Variants in MAML2 observed in about 807,000 individuals in gnomAD.
MAML2 encodes mastermind like transcriptional coactivator 2.
In MAML2, 22 loss-of-function variants were observed where a neutral mutation model predicts 96.1. The ratio of observed to expected loss-of-function variants is 0.23; its 90% confidence interval spans 0.16 to 0.33. The LOEUF (loss-of-function observed/expected upper bound fraction) is 0.33, where lower values mean the gene tolerates loss of function less well. MAML2 is among the 10% of genes least tolerant of loss of function. The probability of loss-of-function intolerance (pLI) is 1.00; values close to 1 mark genes in which losing one functional copy is unlikely to be tolerated. For missense variants in MAML2, 1,367 were observed against 1,392.4 expected (o/e 0.98, Z 0.29); for synonymous variants, 561 against 521.3 (o/e 1.08, Z -1.04).
chr11:96,146,571 C>G (rs1426201595), intron 1 of MAML2, among the ~76,000 whole-genome samples: 1 of 152,124 alleles, frequency 6.6e-6, no homozygotes, highest in Non-Finnish European at 1.5e-5. Flanking sequence ...GTGAGCTGAT[C>G]ACACCATATC....
chr11:96,198,759 G>A (rs1861768016), intron 1 of MAML2, among the ~76,000 whole-genome samples: 1 of 151,918 alleles, frequency 6.6e-6, no homozygotes, highest in Non-Finnish European at 1.5e-5. Flanking sequence ...TTCATGAGTC[G>A]TACCATCCCT....
chr11:95,998,888 C>T (rs1017170448), intron 2 of MAML2, among the ~76,000 whole-genome samples: 1 of 152,158 alleles, frequency 6.6e-6, no homozygotes, highest in African/African-American at 2.4e-5. Flanking sequence ...AATATCTTGC[C>T]TATGGATGAC....
chr11:96,278,006 G>A (rs1037143285), intron 1 of MAML2, among the ~76,000 whole-genome samples: 2 of 150,776 alleles, frequency 1.3e-5, no homozygotes, highest in Non-Finnish European at 2.9e-5. Flanking sequence ...AAAACAGAAT[G>A]CTAAGCCCCA....
At position 96,148,249 on chromosome 11, in the gene MAML2, A is replaced by G. The variant is rs141269061; in HGVS notation, c.514-54732T>C. ...TTTTGTCTGCCTGTCTCCCGTGGACATAAAGAATTGTTCTGTTCATTCAGA... is the reference window on the plus strand; with the variant it reads ...TTTTGTCTGCCTGTCTCCCGTGGACGTAAAGAATTGTTCTGTTCATTCAGA... On this transcript the variant is annotated intron_variant, in intron 1 of 4. Coordinates refer to ENST00000524717, the MANE Select transcript of MAML2 (RefSeq NM_032427.4). Among the ~76,000 whole-genome samples the G allele has an allele frequency of 3.2e-3, 481 of 152,230 alleles. 1 individual carries two copies. Among genetic ancestry groups the G allele is most frequent in the Middle Eastern group, 0.01 (3 of 294 alleles).
At chr11:95,980,944 G>A (rs974785826) in intron 4 of MAML2, among the ~76,000 whole-genome samples, 2 of 152,070 alleles carry the variant, frequency 1.3e-5, no homozygotes, top group African/African-American at 2.4e-5. Context: ...GATGAAGACC[G>A]CTTCCGACTG....
chr11:96,209,707 A>T (rs1032262304), intron 1 of MAML2, among the ~76,000 whole-genome samples: 10 of 152,332 alleles, frequency 6.6e-5, no homozygotes, highest in Non-Finnish European at 1.5e-4. Context: ...CCTGGGCATT[A>T]TAAAATCTGT....
intron 1 of MAML2, among the ~76,000 whole-genome samples, chr11:96,151,900 A>T (rs554199075): frequency 2.0e-5 from 3 of 152,300 alleles, no homozygotes; most frequent in African/African-American, 7.2e-5. Context: ...TGATCAATAC[A>T]TATTTTTAAG....
chr11:96,224,664 C>A (rs1339588689), intron 1 of MAML2, among the ~76,000 whole-genome samples: 1 of 152,228 alleles, frequency 6.6e-6, no homozygotes, highest in Admixed American at 6.5e-5. Context: ...GTTATACTCT[C>A]AGCTTCTCTG....
At chr11:96,125,126 G>A (rs952900655) in intron 1 of MAML2, among the ~76,000 whole-genome samples, 1 of 152,116 alleles carries the variant, frequency 6.6e-6, no homozygotes, top group Admixed American at 6.5e-5. Flanking sequence ...CTTTTCCTAA[G>A]GGAGTTAATG....
chr11:96,168,891 G>T (rs1387667664), intron 1 of MAML2, among the ~76,000 whole-genome samples: 1 of 152,214 alleles, frequency 6.6e-6, no homozygotes, highest in Non-Finnish European at 1.5e-5. Context: ...ATCCACTTGG[G>T]TTATTTCACA....
chr11:96,050,775 G>A lies in MAML2; in HGVS notation c.2139+41117C>T, dbSNP rs76256598. Among the ~76,000 whole-genome samples, 1,412 of 152,296 alleles carry A rather than the reference G, an allele frequency of 9.3e-3. 9 individuals carry two copies. Among genetic ancestry groups the A allele is most frequent in the Middle Eastern group, 0.017 (5 of 294 alleles). On this transcript the variant is annotated intron_variant, in intron 2 of 4. Transcript: ENST00000524717. The stretch of plus-strand genomic sequence containing the variant: ...GAGGACCTTGCAAACTATGTCTATG[G>A]AGTTGTTACAAGAGTTACTGACTCC...
intron 1 of MAML2, among the ~76,000 whole-genome samples, chr11:96,303,306 T>A (rs1470805927): frequency 9.2e-5 from 14 of 152,226 alleles, no homozygotes; most frequent in Non-Finnish European, 2.1e-4. Context: ...GGAAGTATAA[T>A]TTACCAATAT....
intron 1 of MAML2, among the ~76,000 whole-genome samples, chr11:96,244,995 T>C (rs1862490865): frequency 6.6e-6 from 1 of 152,204 alleles, no homozygotes; most frequent in Non-Finnish European, 1.5e-5. Flanking sequence ...AGATGTGAGA[T>C]TATACATCCA....
intron 1 of MAML2, among the ~76,000 whole-genome samples, chr11:96,244,887 GAC>G (rs1862489761): frequency 6.6e-6 from 1 of 152,148 alleles, no homozygotes; most frequent in South Asian, 2.1e-4. Context: ...TATTTGGAAA[GAC>G]ACAGTCATAA....
intron 1 of MAML2, among the ~76,000 whole-genome samples, chr11:96,269,821 T>C (rs1862889340): frequency 6.9e-6 from 1 of 144,222 alleles, no homozygotes; most frequent in Non-Finnish European, 1.5e-5. Flanking sequence ...TTGAGGTGCA[T>C]TCTTCATTTG....
chr11:96,326,100 C>G (rs950136930), intron 1 of MAML2, among the ~76,000 whole-genome samples: 3 of 116,680 alleles, frequency 2.6e-5, no homozygotes, highest in Non-Finnish European at 4.9e-5. Flanking sequence ...CCCCGCCCCC[C>G]CCCCATTAAA....
chr11:96,076,441 C>CACACAT lies in MAML2; in HGVS notation c.2139+15450_2139+15451insATGTGT, dbSNP rs1370022929. On this transcript the variant is annotated intron_variant, in intron 2 of 4. Coordinates refer to ENST00000524717, the MANE Select transcript of MAML2 (RefSeq NM_032427.4). ...TGTCTCTCTCTCTCTCTCACACACACACACACACACACACACACACACACA... is the reference window on the plus strand; with the variant it reads ...TGTCTCTCTCTCTCTCTCACACACACACACATACACACACACACACACACACACACA... Among the ~76,000 whole-genome samples, 115 of 53,168 alleles carry CACACAT rather than the reference C, an allele frequency of 2.2e-3. 1 individual carries two copies. Among genetic ancestry groups the CACACAT allele is most frequent in the African/African-American group, 6.4e-3 (101 of 15,678 alleles). The allele number at this position is 53,168 out of a possible 152,430, so 34.9% of individuals were successfully genotyped here.
intron 1 of MAML2, among the ~76,000 whole-genome samples, chr11:96,192,943 G>T (rs186156874): frequency 1.3e-5 from 2 of 152,224 alleles, no homozygotes; most frequent in Non-Finnish European, 2.9e-5. Context: ...CTGGTGGAGC[G>T]TATGCCTTAA....
intron 1 of MAML2, among the ~76,000 whole-genome samples, chr11:96,171,328 T>C (rs1861292671): frequency 1.3e-5 from 2 of 152,172 alleles, no homozygotes; most frequent in African/African-American, 4.8e-5. Flanking sequence ...GGGCGCGTTC[T>C]TCTCTGTCTT....
Sources: gnomAD v4.1 joint callset for allele counts (sites outside exome capture counted in the v4.1 genomes callset) on GRCh38, gnomAD v4.1.1 for gene constraint, MANE v1.5 for transcripts, NCBI Gene and HGNC (gene_info 2026-07-23, HGNC 2026-07-21) for gene names.